The following RAVER2 variants were observed in gnomAD, a reference collection of about 807,000 sequenced individuals.
RAVER2 encodes the protein ribonucleoprotein, PTB binding 2, also known as ribonucleoprotein PTB-binding 2.
A neutral mutation model predicts 78.1 loss-of-function variants in RAVER2; 46 were observed. The ratio of observed to expected loss-of-function variants is 0.59; its 90% CI spans 0.46 to 0.75. RAVER2 has a LOEUF of 0.75. RAVER2 is among the 30% of genes least tolerant of loss of function. RAVER2 has a pLI of 0.00. For missense variants in RAVER2, 793 were observed against 837.5 expected, an observed-to-expected ratio of 0.95 and a Z score of 0.66; for synonymous variants, 311 against 313.3, an observed-to-expected ratio of 0.99 and a Z score of 0.08.
At chr1:64,787,475 G>T (rs1031960879) in intron 4 of RAVER2, among the ~76,000 whole-genome samples, 1 of 152,120 alleles carries the variant, frequency 6.6e-6, no homozygotes, top group Non-Finnish European at 1.5e-5. Context: ...CCCCAGCCAG[G>T]CAGCCCTGCA....
Position 64,804,843 on chromosome 1 carries a change from G to T in RAVER2, c.1296+5G>T. Reference sequence around the variant, plus strand: ...GAGAATATTCATACTAATAATGTAAGTATGGTATCATTTTTTCTTTTAAAA... The same window carrying T: ...GAGAATATTCATACTAATAATGTAATTATGGTATCATTTTTTCTTTTAAAA... On this transcript the variant is annotated splice_donor_5th_base_variant and intron_variant, in intron 7 of 11. Transcript: ENST00000294428. 6.5e-7 allele frequency: 1 copy of T among 1,534,244 alleles called. No individual in the cohort carries two copies. The highest frequency in any genetic ancestry group is 1.1e-5 in the South Asian group (1 of 87,338).
chr1:64,757,757 G>C (rs1025365552), intron 1 of RAVER2, among the ~76,000 whole-genome samples: 1 of 152,076 alleles, frequency 6.6e-6, no homozygotes, highest in Non-Finnish European at 1.5e-5. Flanking sequence ...CAAAGCTAGA[G>C]AATATATAAA....
intron 5 of RAVER2, among the ~76,000 whole-genome samples, chr1:64,801,765 G>T (rs1653273959): frequency 6.6e-6 from 1 of 152,142 alleles, no homozygotes. Flanking sequence ...TACTTGGGAG[G>T]CTGAGGCAGG....
chr1:64,757,761 ATATAAATGTG>A lies in RAVER2; in HGVS notation c.250-10893_250-10884del, dbSNP rs1452895880. Among the ~76,000 whole-genome samples the A allele has an allele frequency of 7.0e-4, 106 of 152,202 alleles. 1 individual carries two copies. The highest frequency in any genetic ancestry group is 6.9e-3 in the Admixed American group (106 of 15,284). On this transcript the variant is annotated intron_variant, in intron 1 of 11. Coordinates refer to ENST00000294428, the Ensembl canonical transcript of RAVER2. ...CTCTTAGTAGACAAAGCTAGAGAAT[ATATAAATGTG>A]TGTATATGCACACACACAAACACTT...
At chr1:64,755,614 TCCTGG>T (rs1651829870) in intron 1 of RAVER2, among the ~76,000 whole-genome samples, 1 of 152,058 alleles carries the variant, frequency 6.6e-6, no homozygotes, top group Non-Finnish European at 1.5e-5. Flanking sequence ...TGCTCTTAGT[TCCTGG>T]CTTGCCTTTA....
intron 1 of RAVER2, among the ~76,000 whole-genome samples, chr1:64,757,637 T>TA (rs1651890931): frequency 6.6e-6 from 1 of 152,178 alleles, no homozygotes; most frequent in Non-Finnish European, 1.5e-5. Flanking sequence ...AGCTGACTAT[T>TA]ACAGTGCTTA....
chr1:64,820,618 A>G (rs1330809954), intron 11 of RAVER2, among the ~76,000 whole-genome samples: 1 of 152,114 alleles, frequency 6.6e-6, no homozygotes, highest in Non-Finnish European at 1.5e-5. Flanking sequence ...GTGTGTTCAT[A>G]AGTTCTTGTC....
chr1:64,804,392 G>A (rs1490402205), intron 6 of RAVER2, among the ~76,000 whole-genome samples: 3 of 151,974 alleles, frequency 2.0e-5, no homozygotes, highest in Non-Finnish European at 4.4e-5. Context: ...TCACTAAGTA[G>A]CACAGTGCCT....
chr1:64,782,667 G>A (rs1165817214), intron 4 of RAVER2, among the ~76,000 whole-genome samples: 3 of 152,188 alleles, frequency 2.0e-5, no homozygotes, highest in Admixed American at 1.3e-4. Context: ...GTCACTCTAG[G>A]TGGAACAGAA....
intron 11 of RAVER2, 111 bp from the exon 12 acceptor site, chr1:64,830,728 C>A: frequency 2.1e-6 from 2 of 956,696 alleles, no homozygotes; most frequent in South Asian, 2.1e-5. Context: ...GGGTATTTAT[C>A]CTGTTATTCT....
intron 4 of RAVER2, among the ~76,000 whole-genome samples, chr1:64,784,093 CCTT>C (rs2100842062): frequency 6.6e-6 from 1 of 152,172 alleles, no homozygotes; most frequent in East Asian, 1.9e-4. Context: ...ACATTTAAAA[CCTT>C]CTACTGGCTG....
intron 1 of RAVER2, among the ~76,000 whole-genome samples, chr1:64,752,464 T>G (rs1300752761): frequency 6.6e-6 from 1 of 152,194 alleles, no homozygotes; most frequent in Non-Finnish European, 1.5e-5. Context: ...AGATAGTCTC[T>G]TTTAAAAGTT....
chr1:64,753,696 G>A (rs1365873842), intron 1 of RAVER2, among the ~76,000 whole-genome samples: 1 of 151,514 alleles, frequency 6.6e-6, no homozygotes, highest in African/African-American at 2.4e-5. Context: ...GCTAATTTTT[G>A]TATTTTTAGT....
rs150027192 is a variant in RAVER2, at chr1:64,784,122, G to A, written c.978+2551G>A. Among the ~76,000 whole-genome samples, 441 of 152,260 alleles carry A rather than the reference G, an allele frequency of 2.9e-3. 1 individual carries two copies. The highest frequency in any genetic ancestry group is 5.2e-3 in the Non-Finnish European group (357 of 68,010). ...CTACTGGCTGGGCACAGTGGCTCAC[G>A]CCAGTAATCCAAGCACTTTGGGAGG... On this transcript the variant is annotated intron_variant, in intron 4 of 11. Coordinates refer to ENST00000294428, the Ensembl canonical transcript of RAVER2.
intron 2 of RAVER2, among the ~76,000 whole-genome samples, chr1:64,773,428 T>C (rs1319956027): frequency 6.6e-6 from 1 of 151,882 alleles, no homozygotes; most frequent in Non-Finnish European, 1.5e-5. Flanking sequence ...AGTGAGAACA[T>C]GTGGTGTTTG....
intron 11 of RAVER2, among the ~76,000 whole-genome samples, chr1:64,818,663 G>GT (rs1283817573): frequency 6.6e-6 from 1 of 152,228 alleles, no homozygotes; most frequent in Non-Finnish European, 1.5e-5. Flanking sequence ...AAACATCACT[G>GT]TATGGTATTT....
intron 11 of RAVER2, chr1:64,815,640 CT>C (rs1264576906): frequency 5.3e-5 from 8 of 152,182 alleles, no homozygotes; most frequent in Non-Finnish European, 1.0e-4. Flanking sequence ...GGAGTCTTGT[CT>C]CCACTTTGAT....
At chr1:64,755,259 G>A (rs1651819446) in intron 1 of RAVER2, among the ~76,000 whole-genome samples, 2 of 151,968 alleles carry the variant, frequency 1.3e-5, no homozygotes, top group African/African-American at 4.8e-5. Context: ...TTAGATTTTA[G>A]GGGTGCAACT....
At chr1:64,826,635 C>T (rs193098168) in intron 11 of RAVER2, among the ~76,000 whole-genome samples, 1 of 152,224 alleles carries the variant, frequency 6.6e-6, no homozygotes, top group African/African-American at 2.4e-5. Context: ...GGCTTTTACT[C>T]TAAGATAGAA....
Sources: allele counts gnomAD v4.1 joint callset (sites outside exome capture counted in the v4.1 genomes callset), GRCh38; gene constraint gnomAD v4.1.1; transcripts MANE v1.5; gene names NCBI Gene and HGNC (gene_info 2026-07-23, HGNC 2026-07-21).